Variants in HM13 observed in about 807,000 individuals in gnomAD.
HM13 encodes the protein signal peptide peptidase.
Under a neutral mutation model 50.0 loss-of-function variants are expected in HM13, and 18 were observed. That is an observed-to-expected ratio of 0.36 (90% CI 0.25 to 0.53). The LOEUF is 0.53. Among genes scored for constraint, HM13 ranks in the 20% least tolerant of loss-of-function variants. The probability of loss-of-function intolerance (pLI) is 0.90; values close to 1 mark genes in which losing one functional copy is unlikely to be tolerated. For missense variants in HM13, 393 were observed against 552.4 expected (o/e 0.71, Z 2.89); for synonymous variants, 197 against 232.6 (o/e 0.85, Z 1.39).
At chr20:31,517,709 G>C (rs1981882987) in intron 1 of HM13, among the ~76,000 whole-genome samples, 1 of 152,138 alleles carries the variant, frequency 6.6e-6, no homozygotes, top group South Asian at 2.1e-4. Flanking sequence ...GAGCCCAGGA[G>C]AGGGGCTTGG....
At chr20:31,527,833 G>T in intron 2 of HM13, 1 of 427,746 alleles carries the variant, frequency 2.3e-6, no homozygotes, top group Non-Finnish European at 4.1e-6. Context: ...TGGTTTCATT[G>T]TACTGTTTAT....
At chr20:31,518,037 ATTT>A (rs560265548) in intron 1 of HM13, among the ~76,000 whole-genome samples, 2 of 141,532 alleles carry the variant, frequency 1.4e-5, no homozygotes, top group African/African-American at 2.6e-5. Flanking sequence ...CTACAACTTG[ATTT>A]TTTTTTTTTT....
At chr20:31,549,454 G>T in intron 6 of HM13, 122 bp downstream of exon 6, 1 of 1,274,450 alleles carries the variant, frequency 7.8e-7, no homozygotes, top group Non-Finnish European at 1.1e-6. Context: ...TGAAGTTCCG[G>T]ACCGCAGAGC....
At chr20:31,562,542 G>A (rs1984675104) in intron 10 of HM13, 2 of 152,322 alleles carry the variant, frequency 1.3e-5, no homozygotes, top group South Asian at 4.1e-4. Context: ...TTGAACAGGG[G>A]CTAAGGGAGC....
At chr20:31,533,533 A>G (rs1982939080) in intron 2 of HM13, among the ~76,000 whole-genome samples, 1 of 152,010 alleles carries the variant, frequency 6.6e-6, no homozygotes, top group Non-Finnish European at 1.5e-5. Context: ...AAAACTTCAT[A>G]TTTTCCTGAT....
At chr20:31,561,597 C>G (rs761914239) in intron 9 of HM13, 37 bp from the exon 10 acceptor site, 1 of 1,415,676 alleles carries the variant, frequency 7.1e-7, no homozygotes, top group African/African-American at 1.4e-5. Context: ...GTCCCTATAT[C>G]TAACCCTCCT....
At chr20:31,555,045 G>C (rs1984235843) in intron 8 of HM13, among the ~76,000 whole-genome samples, 1 of 152,214 alleles carries the variant, frequency 6.6e-6, no homozygotes, top group Non-Finnish European at 1.5e-5. Flanking sequence ...AGGTGTCAGT[G>C]AACAAGACTG....
intron 8 of HM13, among the ~76,000 whole-genome samples, chr20:31,555,117 C>G (rs769790854): frequency 6.6e-6 from 1 of 152,228 alleles, no homozygotes; most frequent in Non-Finnish European, 1.5e-5. Flanking sequence ...AAGTAAAAGT[C>G]TAATGACAGA....
chr20:31,567,968 TAAA>T, intron 11 of HM13, 107 bp from the exon 12 acceptor site: 1 of 987,184 alleles, frequency 1.0e-6, no homozygotes, highest in Non-Finnish European at 1.4e-6. Context: ...CAAAAATAGG[TAAA>T]AACAAGACAG....
At chr20:31,527,621 T>C (rs1982575452) in intron 2 of HM13, 39 bp downstream of exon 2, 1 of 1,335,294 alleles carries the variant, frequency 7.5e-7, no homozygotes, top group Admixed American at 1.8e-5. Flanking sequence ...TTGATCTAAA[T>C]GACTTTATCT....
At chr20:31,518,797 G>T (rs922521173) in intron 1 of HM13, among the ~76,000 whole-genome samples, 1 of 152,038 alleles carries the variant, frequency 6.6e-6, no homozygotes, top group Admixed American at 6.6e-5. Flanking sequence ...GTTCAAGGCT[G>T]CAGTGAGCCC....
chr20:31,517,591 G>A (rs1981875328), intron 1 of HM13, among the ~76,000 whole-genome samples: 1 of 152,070 alleles, frequency 6.6e-6, no homozygotes, highest in Non-Finnish European at 1.5e-5. Flanking sequence ...TCCTGGAGGG[G>A]GCAGCAGTTG....
intron 1 of HM13, among the ~76,000 whole-genome samples, chr20:31,518,636 A>G (rs1428707165): frequency 1.3e-5 from 2 of 151,596 alleles, no homozygotes; most frequent in African/African-American, 4.8e-5. Context: ...ACAGAGTGAG[A>G]CTCCATCTCA....
At chr20:31,550,231 TC>T in intron 7 of HM13, 110 bp downstream of exon 7, 1 of 796,178 alleles carries the variant, frequency 1.3e-6, no homozygotes, top group East Asian at 2.5e-5. Flanking sequence ...ATGTACCTCT[TC>T]CTCCTGTGGC....
In HM13 at chr20:31,550,047, T is replaced by G. The variant is rs762296625; in HGVS notation, c.667-17T>G. The G allele has an allele frequency of 6.2e-7, 1 of 1,607,488 alleles. No individual in the cohort carries two copies. Among genetic ancestry groups the G allele is most frequent in the Admixed American group, 1.7e-5 (1 of 59,986 alleles). ...CCCCTCACTTCCCTTCATACTGCTC[T>G]TTTTTTCTCCTTCTAGGTATTTGGC... On this transcript the variant is annotated splice_polypyrimidine_tract_variant and intron_variant, in intron 6 of 12. Transcript: ENST00000398174.
chr20:31,563,806 G>A (rs1336362334), intron 10 of HM13, among the ~76,000 whole-genome samples: 1 of 152,074 alleles, frequency 6.6e-6, no homozygotes, highest in Non-Finnish European at 1.5e-5. Flanking sequence ...GCCAGGCGTG[G>A]TGGCTCACAC....
At chr20:31,568,951 T>A (rs1299553133) in intron 12 of HM13, among the ~76,000 whole-genome samples, 169 bp from the exon 13 acceptor site, 1 of 152,162 alleles carries the variant, frequency 6.6e-6, no homozygotes, top group Non-Finnish European at 1.5e-5. Flanking sequence ...GGGCATGTGG[T>A]AGGGCTGGGG....
chr20:31,531,586 TTTG>T (rs1982823045), intron 2 of HM13, among the ~76,000 whole-genome samples: 1 of 152,036 alleles, frequency 6.6e-6, no homozygotes, highest in African/African-American at 2.4e-5. Context: ...TTTGTTGTTT[TTTG>T]TTGTTGTTAT....
intron 2 of HM13, 85 bp downstream of exon 2, chr20:31,527,667 C>G (rs1447271139): frequency 3.2e-6 from 3 of 944,022 alleles, no homozygotes; most frequent in Non-Finnish European, 5.0e-6. Context: ...AAGAACCATG[C>G]ATGTTCATTT....
Sources: gnomAD v4.1 joint callset for allele counts (sites outside exome capture counted in the v4.1 genomes callset) on GRCh38, gnomAD v4.1.1 for gene constraint, MANE v1.5 for transcripts, NCBI Gene and HGNC (gene_info 2026-07-23, HGNC 2026-07-21) for gene names.